TTC39A: variants seen among roughly 807,000 people sequenced by gnomAD.
TTC39A encodes the protein tetratricopeptide repeat domain 39A.
Under a neutral mutation model 82.3 loss-of-function variants are expected in TTC39A, and 46 were observed. That is an observed-to-expected ratio of 0.56 (90% CI 0.44 to 0.71). The LOEUF (loss-of-function observed/expected upper bound fraction) is 0.71. Among genes scored for constraint, TTC39A ranks in the 30% least tolerant of loss-of-function variants. The probability of loss-of-function intolerance (pLI) is 0.00; values close to 1 mark genes in which losing one functional copy is unlikely to be tolerated. For synonymous variants in TTC39A, 254 were observed against 275.2 expected, an observed-to-expected ratio of 0.92 and a Z score of 0.76; for missense variants, 543 against 712.9, an observed-to-expected ratio of 0.76 and a Z score of 2.71.
In TTC39A at chr1:51,330,171, G is replaced by C; in HGVS notation, c.41+266C>G. 1.0e-6 allele frequency: 1 copy of C among 985,666 alleles called. No individual in the cohort carries two copies. Among genetic ancestry groups the C allele is most frequent in the South Asian group, 4.7e-5 (1 of 21,294 alleles). 61.1% of individuals were successfully genotyped at this position (985,666 alleles called of 1,614,324 possible). A position where few individuals can be genotyped will look rare whatever the true frequency, so the allele number is the denominator to read the frequency against. On this transcript the variant is annotated intron_variant, in intron 1 of 17. Coordinates refer to ENST00000680483, the MANE Select transcript of TTC39A (RefSeq NM_001297663.2). The surrounding 1 kb of genome is among the most constrained non-coding windows in gnomAD (Gnocchi z 4.5). The stretch of plus-strand genomic sequence containing the variant: ...GCAGGTGGGGAAGGCTGCTCTGAAC[G>C]TGTCTGTGACTACAGCTCCGTGAGA...
chr1:51,338,598 C>CTTTT (rs982499820), intron 1 of TTC39A, among the ~76,000 whole-genome samples: 3 of 111,830 alleles, frequency 2.7e-5, no homozygotes, highest in African/African-American at 7.0e-5. Context: ...GGAGATTTAT[C>CTTTT]TTTTTTTTTT....
At position 51,288,391 on chromosome 1, in the gene TTC39A, T is replaced by TGTAGAGCC; in HGVS notation, c.1611-112_1611-111insGGCTCTAC. On this transcript the variant is annotated intron_variant, in intron 17 of 17. Transcript: ENST00000680483. The surrounding 1 kb of genome is among the most constrained non-coding windows in gnomAD (Gnocchi z 4.8). ...AGCCAAGGAAGGATTGTAGAGAAAT[T>TGTAGAGCC]AATGTGTCCAGAGAGAGTTGAGCCC... 5 of 1,537,640 alleles carry TGTAGAGCC rather than the reference T, an allele frequency of 3.3e-6. No homozygotes were observed. The East Asian group carries it at 1.1e-4, about 35-fold the overall frequency.
chr1:51,344,928 G>C, intron 1 of TTC39A: 2 of 1,514,336 alleles, frequency 1.3e-6, no homozygotes, highest in Non-Finnish European at 1.8e-6. Context: ...CGTCGGCTGG[G>C]TCCTCCGGCG....
chr1:51,328,923 C>T (rs552440543), intron 1 of TTC39A, among the ~76,000 whole-genome samples: 2 of 152,160 alleles, frequency 1.3e-5, no homozygotes, highest in Non-Finnish European at 2.9e-5. Flanking sequence ...CTGCTGCGTG[C>T]GGCCCTCCTC....
intron 12 of TTC39A, among the ~76,000 whole-genome samples, chr1:51,296,444 A>G (rs1043948709): frequency 3.9e-5 from 6 of 152,248 alleles, no homozygotes; most frequent in Non-Finnish European, 7.3e-5. Context: ...TGCGGCAGAG[A>G]CACAAGGACA....
chr1:51,345,014 C>T (rs763173749), exon 1 of TTC39A: 18 of 1,521,908 alleles, frequency 1.2e-5, no homozygotes, highest in South Asian at 7.4e-5. Context: ...TCCCGGAGGC[C>T]GCCTCCTTCC....
intron 1 of TTC39A, among the ~76,000 whole-genome samples, chr1:51,326,964 G>A (rs139674998): frequency 2.0e-5 from 3 of 152,370 alleles, no homozygotes; most frequent in East Asian, 1.9e-4. Context: ...TGGCACAGTG[G>A]TGGCGGCTCT....
At chr1:51,331,437 G>A (rs1030506563), upstream of TTC39A, 241 of 1,419,502 alleles carry the variant, frequency 1.7e-4, no homozygotes, top group Non-Finnish European at 2.1e-4. Context: ...GCATGTGGCT[G>A]CCATTAGAGC....
chr1:51,300,347 C>G (rs1644604816), intron 12 of TTC39A: 1 of 152,376 alleles, frequency 6.6e-6, no homozygotes, highest in Non-Finnish European at 1.5e-5. Flanking sequence ...GCTTGGTCCC[C>G]AGGCAGGGCT....
chr1:51,311,939 C>T (rs1645098856), intron 4 of TTC39A, among the ~76,000 whole-genome samples, 180 bp downstream of exon 4: 1 of 152,264 alleles, frequency 6.6e-6, no homozygotes, highest in Non-Finnish European at 1.5e-5. Context: ...TCACCTGCCC[C>T]CCACACCCTC....
intron 5 of TTC39A, among the ~76,000 whole-genome samples, chr1:51,310,682 G>A (rs925580550): frequency 1.3e-5 from 2 of 152,308 alleles, no homozygotes; most frequent in Middle Eastern, 3.4e-3. Context: ...GTGGTGAGGA[G>A]ACCTGGGCTC....
chr1:51,339,256 G>T (rs1646008259), intron 1 of TTC39A, among the ~76,000 whole-genome samples: 1 of 152,058 alleles, frequency 6.6e-6, no homozygotes, highest in Non-Finnish European at 1.5e-5. Context: ...ACGTGGATGG[G>T]GTCTCTGATG....
chr1:51,337,358 C>T (rs61782069), intron 1 of TTC39A, among the ~76,000 whole-genome samples: 7,098 of 152,130 alleles, frequency 0.047, 230 homozygotes, highest in East Asian at 0.12. Flanking sequence ...TTCACTACTT[C>T]ACCTTCTTCG....
At chr1:51,305,905 C>T in intron 7 of TTC39A, 72 bp downstream of exon 7, 1 of 1,473,288 alleles carries the variant, frequency 6.8e-7, no homozygotes, top group Non-Finnish European at 9.5e-7. Flanking sequence ...GCAGTGACCA[C>T]ACATGAGTCA....
upstream of TTC39A, chr1:51,331,924 G>A (rs1011142263): frequency 1.0e-5 from 6 of 577,548 alleles, no homozygotes; most frequent in South Asian, 7.6e-5. Flanking sequence ...ACCAGATCGG[G>A]GAGCAGCATG....
chr1:51,302,675 C>T (rs954220939), intron 9 of TTC39A, 102 bp from the exon 10 acceptor site: 3 of 1,278,670 alleles, frequency 2.3e-6, no homozygotes, highest in African/African-American at 3.0e-5. Flanking sequence ...CCCCCTCCCC[C>T]TCTGTGAAAT....
chr1:51,312,776 T>G (rs1461791333), intron 3 of TTC39A, 36 bp downstream of exon 3: 2 of 1,602,560 alleles, frequency 1.2e-6, no homozygotes, highest in African/African-American at 1.3e-5. Context: ...AGGGTGGGCC[T>G]CCCAACCTCT....
rs1055539772 is a variant in TTC39A at position 51,294,029 on chromosome 1, C to G, written c.1266+362G>C. On this transcript the variant is annotated intron_variant, in intron 14 of 17. Transcript: ENST00000680483. This position sits in a 1 kb window ranked among gnomAD's most constrained non-coding sequence, Gnocchi z 4.3. Reference sequence around the variant, plus strand: ...TTGAATATAACGTGAAAAGGTTGGCCGAGTGAGGGGGACCGTGAAAACAAT... The same window carrying G: ...TTGAATATAACGTGAAAAGGTTGGCGGAGTGAGGGGGACCGTGAAAACAAT... Among the ~76,000 whole-genome samples the G allele has an allele frequency of 6.6e-6, 1 of 152,158 alleles. No homozygotes were observed. The highest frequency in any genetic ancestry group is 1.5e-5 in the Non-Finnish European group (1 of 68,030).
At chr1:51,327,605 C>T (rs542839069) in intron 1 of TTC39A, among the ~76,000 whole-genome samples, 16 of 152,094 alleles carry the variant, frequency 1.1e-4, no homozygotes, top group East Asian at 3.9e-4. Context: ...TTACCTCCCA[C>T]GGTTTTTGTG....
Sources: gnomAD v4.1 joint callset for allele counts (sites outside exome capture counted in the v4.1 genomes callset) on GRCh38, gnomAD v4.1.1 for gene constraint, Gnocchi (gnomAD v3.1) non-coding constraint, MANE v1.5 for transcripts, NCBI Gene and HGNC (gene_info 2026-07-23, HGNC 2026-07-21) for gene names.